The following SLC1A1 variants were observed in gnomAD, a reference collection of about 807,000 sequenced individuals.
SLC1A1 encodes excitatory amino acid transporter 3.
SLC1A1 carries 43 observed loss-of-function variants against 53.3 expected under a neutral mutation model. The observed-to-expected ratio is 0.81, with a 90% CI of 0.63 to 1.04. SLC1A1 has a LOEUF of 1.04. Ranked by LOEUF, SLC1A1 falls within the 50% of genes least tolerant of loss-of-function variation. The pLI, the probability that SLC1A1 is intolerant of heterozygous loss-of-function variation, is 0.00. For missense variants in SLC1A1, 748 were observed against 664.9 expected (o/e 1.12, Z -1.37); for synonymous variants, 307 against 243.2 (o/e 1.26, Z -2.44).
At chr9:4,499,448 G>C (rs1179135113) in intron 1 of SLC1A1, among the ~76,000 whole-genome samples, 1 of 152,184 alleles carries the variant, frequency 6.6e-6, no homozygotes. Context: ...ATTAGGAAAA[G>C]AAACTGGGCT....
At chr9:4,511,413 C>T (rs747155441) in intron 1 of SLC1A1, among the ~76,000 whole-genome samples, 11 of 152,232 alleles carry the variant, frequency 7.2e-5, no homozygotes, top group South Asian at 2.1e-4. Flanking sequence ...TCTCCCCTCA[C>T]GACCTAATCA....
intron 3 of SLC1A1, among the ~76,000 whole-genome samples, chr9:4,563,190 G>A (rs1222113315): frequency 6.6e-6 from 1 of 151,798 alleles, no homozygotes; most frequent in Non-Finnish European, 1.5e-5. Flanking sequence ...GACAGAAGGA[G>A]CATATACTCA....
intron 2 of SLC1A1, among the ~76,000 whole-genome samples, chr9:4,550,053 C>G (rs889375530): frequency 1.3e-5 from 2 of 152,158 alleles, no homozygotes; most frequent in African/African-American, 4.8e-5. Context: ...AAGAAAACTC[C>G]CTCCTTTCCC....
chr9:4,519,014 C>A (rs780971579), intron 1 of SLC1A1, among the ~76,000 whole-genome samples: 1 of 152,176 alleles, frequency 6.6e-6, no homozygotes, highest in Non-Finnish European at 1.5e-5. Flanking sequence ...TTCTGTCTGC[C>A]TTAGGGTCTC....
At chr9:4,515,658 T>C (rs1306890336) in intron 1 of SLC1A1, among the ~76,000 whole-genome samples, 1 of 152,210 alleles carries the variant, frequency 6.6e-6, no homozygotes, top group Non-Finnish European at 1.5e-5. Flanking sequence ...CTGGCTGAGT[T>C]CCTCTAGACA....
chr9:4,490,920 G>A, intron 1 of SLC1A1, 150 bp downstream of exon 1: 1 of 653,888 alleles, frequency 1.5e-6, no homozygotes, highest in Non-Finnish European at 2.7e-6. Context: ...CCCTGCGGGG[G>A]CTTTCCCCCA....
chr9:4,505,366 T>A (rs866331137), intron 1 of SLC1A1, among the ~76,000 whole-genome samples: 8 of 152,296 alleles, frequency 5.3e-5, no homozygotes, highest in African/African-American at 1.9e-4. Context: ...CCTTTTTTTA[T>A]ACTGGATAGC....
chr9:4,576,641 C>A lies in SLC1A1; in HGVS notation c.1071C>A (p.Phe357Leu), dbSNP rs372708972. Residue 357 changes from phenylalanine (F) to leucine (L), a missense_variant, in exon 10 of 12, where the codon TTC (phenylalanine) becomes TTA (leucine). Transcript: ENST00000262352. ...AGGTGGACAAGAGGATCACTCGATT[C>A]GTGTTACCCGTTGGTGCAACAATCA... ...NNQVDKRITR[F>L]VLPVGATINM... 3 of 1,613,970 alleles carry A rather than the reference C, an allele frequency of 1.9e-6. No homozygotes were observed. Among genetic ancestry groups the A allele is most frequent in the African/African-American group, 2.7e-5 (2 of 74,928 alleles).
intron 2 of SLC1A1, among the ~76,000 whole-genome samples, chr9:4,550,509 G>C (rs1817837014): frequency 6.6e-6 from 1 of 152,114 alleles, no homozygotes; most frequent in Admixed American, 6.6e-5. Flanking sequence ...TTCCACCTAA[G>C]CCTTCCTAGT....
intron 6 of SLC1A1, 55 bp downstream of exon 6, chr9:4,567,822 C>T (rs1447696621): frequency 9.4e-7 from 1 of 1,065,566 alleles, no homozygotes; most frequent in African/African-American, 1.6e-5. Context: ...TGAGTCATGA[C>T]TGAGCAGGAA....
intron 1 of SLC1A1, among the ~76,000 whole-genome samples, chr9:4,522,114 C>A (rs1252583899): frequency 7.0e-6 from 1 of 143,408 alleles, no homozygotes; most frequent in Non-Finnish European, 1.5e-5. Context: ...TGCAGTGGCA[C>A]AATCTCAGCT....
chr9:4,580,597 A>ATGTGTGTG, intron 10 of SLC1A1, among the ~76,000 whole-genome samples: 1 of 53,682 alleles, frequency 1.9e-5, no homozygotes, highest in Non-Finnish European at 3.4e-5. Flanking sequence ...AAAAAAAAAT[A>ATGTGTGTG]TATATGTGTG....
intron 4 of SLC1A1, among the ~76,000 whole-genome samples, chr9:4,564,897 T>C (rs1819332073): frequency 6.6e-6 from 1 of 152,212 alleles, no homozygotes; most frequent in African/African-American, 2.4e-5. Flanking sequence ...TACAATTTTG[T>C]TTTCACTTAA....
At chr9:4,507,054 A>G (rs1586695588) in intron 1 of SLC1A1, among the ~76,000 whole-genome samples, 1 of 152,010 alleles carries the variant, frequency 6.6e-6, no homozygotes, top group South Asian at 2.1e-4. Flanking sequence ...ACATGGTGAA[A>G]CCCCCTCTCT....
chr9:4,515,617 G>A (rs1821136411), intron 1 of SLC1A1, among the ~76,000 whole-genome samples: 1 of 60,962 alleles, frequency 1.6e-5, no homozygotes, highest in Non-Finnish European at 3.5e-5. Context: ...CATCAACAAT[G>A]TCAAAGGTGG....
chr9:4,548,169 C>G (rs1242462719), intron 2 of SLC1A1, among the ~76,000 whole-genome samples: 1 of 152,132 alleles, frequency 6.6e-6, no homozygotes. Flanking sequence ...TGCCTCATCT[C>G]TGCTCCCTTC....
At chr9:4,584,718 A>G (rs1821429999) in intron 11 of SLC1A1, among the ~76,000 whole-genome samples, 1 of 152,108 alleles carries the variant, frequency 6.6e-6, no homozygotes, top group South Asian at 2.1e-4. Flanking sequence ...GGAAATTAAG[A>G]CTGGATGAGG....
At chr9:4,568,728 G>T (rs1819736902) in intron 6 of SLC1A1, among the ~76,000 whole-genome samples, 1 of 150,920 alleles carries the variant, frequency 6.6e-6, no homozygotes, top group Admixed American at 6.6e-5. Context: ...ACACAAAAAA[G>T]CATCATATTG....
At chr9:4,511,649 C>T (rs986231814) in intron 1 of SLC1A1, among the ~76,000 whole-genome samples, 4 of 151,638 alleles carry the variant, frequency 2.6e-5, no homozygotes, top group African/African-American at 7.3e-5. Context: ...GAATGCTTTC[C>T]CCCTAAGAGC....
Sources: allele counts gnomAD v4.1 joint callset (sites outside exome capture counted in the v4.1 genomes callset), GRCh38; gene constraint gnomAD v4.1.1; transcripts MANE v1.5; gene names NCBI Gene and HGNC (gene_info 2026-07-23, HGNC 2026-07-21).